CSMD2: variants seen among roughly 807,000 people sequenced by gnomAD.
CSMD2 encodes CUB and Sushi multiple domains 2.
In CSMD2, 130 loss-of-function variants were observed where a neutral mutation model predicts 398.5. The observed-to-expected ratio is 0.33, with a 90% CI of 0.28 to 0.38. CSMD2 has a LOEUF of 0.38. Among genes scored for constraint, CSMD2 ranks in the 10% least tolerant of loss-of-function variants. The probability of loss-of-function intolerance (pLI) is 1.00; values close to 1 mark genes in which losing one functional copy is unlikely to be tolerated. For missense variants in CSMD2, 3,829 were observed against 4,764.9 expected (o/e 0.80, Z 5.78); for synonymous variants, 1,828 against 1,908.5 (o/e 0.96, Z 1.10).
At chr1:33,916,474 A>G (rs1258155797) in intron 5 of CSMD2, among the ~76,000 whole-genome samples, 1 of 152,136 alleles carries the variant, frequency 6.6e-6, no homozygotes, top group Non-Finnish European at 1.5e-5. Flanking sequence ...TTAACCTTCA[A>G]CCCAACTCCT....
chr1:33,913,859 G>A (rs546257422), intron 5 of CSMD2, among the ~76,000 whole-genome samples: 7 of 152,216 alleles, frequency 4.6e-5, no homozygotes, highest in African/African-American at 1.7e-4. Context: ...TGTTGGGTAT[G>A]AGACAGAGGA....
At chr1:33,785,552 G>C (rs77590848) in intron 12 of CSMD2, among the ~76,000 whole-genome samples, 2,512 of 152,316 alleles carry the variant, frequency 0.016, 67 homozygotes, top group African/African-American at 0.058. Context: ...TGTAAGCAAT[G>C]AATGAGATGA....
chr1:33,582,657 G>A (rs1638807967), intron 47 of CSMD2, among the ~76,000 whole-genome samples: 1 of 152,214 alleles, frequency 6.6e-6, no homozygotes, highest in South Asian at 2.1e-4. Context: ...GATACAGGAT[G>A]TTAATTGATG....
intron 67 of CSMD2, among the ~76,000 whole-genome samples, chr1:33,522,697 C>A (rs764851232): frequency 4.8e-4 from 73 of 152,334 alleles, no homozygotes; most frequent in Non-Finnish European, 8.2e-4. Context: ...CTAGCTCCAG[C>A]AATCCAAGAC....
intron 5 of CSMD2, among the ~76,000 whole-genome samples, chr1:33,865,444 G>T (rs150174686): frequency 6.7e-6 from 1 of 150,244 alleles, no homozygotes; most frequent in African/African-American, 2.4e-5. Flanking sequence ...CAGATCAATC[G>T]TTTTTCAGTG....
chr1:33,947,016 G>A (rs967728845), intron 3 of CSMD2, among the ~76,000 whole-genome samples: 2 of 152,136 alleles, frequency 1.3e-5, no homozygotes, highest in African/African-American at 4.8e-5. Flanking sequence ...TTTATGGCCA[G>A]GGCTGCCATG....
intron 13 of CSMD2, among the ~76,000 whole-genome samples, chr1:33,750,461 C>T (rs1170579763): frequency 1.3e-5 from 2 of 152,142 alleles, no homozygotes; most frequent in Non-Finnish European, 2.9e-5. Context: ...CATGGTCATA[C>T]AGTCACTGTA....
chr1:33,876,796 T>C (rs1403601474), intron 5 of CSMD2, among the ~76,000 whole-genome samples: 5 of 152,180 alleles, frequency 3.3e-5, no homozygotes, highest in African/African-American at 4.8e-5. Flanking sequence ...CTGATGGTGA[T>C]TTAATGCCCT....
At chr1:33,677,434 T>C (rs906556673) in intron 25 of CSMD2, among the ~76,000 whole-genome samples, 14 of 152,200 alleles carry the variant, frequency 9.2e-5, no homozygotes, top group African/African-American at 3.4e-4. Context: ...CCAGTTAGAA[T>C]GGCAATCATT....
At chr1:33,818,732 A>G (rs1288010642) in intron 9 of CSMD2, among the ~76,000 whole-genome samples, 1 of 152,218 alleles carries the variant, frequency 6.6e-6, no homozygotes, top group Non-Finnish European at 1.5e-5. Flanking sequence ...TATTTGAAAG[A>G]TGTTATAGTG....
chr1:33,812,121 T>C (rs2031476), intron 9 of CSMD2, among the ~76,000 whole-genome samples: 120,588 of 152,118 alleles, frequency 0.79, 48,824 homozygotes, highest in East Asian at 0.96. Context: ...TTCCTGCGCT[T>C]AGCTCATTCA....
At chr1:34,122,468 G>A (rs1662291862) in intron 1 of CSMD2, among the ~76,000 whole-genome samples, 1 of 152,028 alleles carries the variant, frequency 6.6e-6, no homozygotes, top group Non-Finnish European at 1.5e-5. Flanking sequence ...AAGCAGCAGG[G>A]CCCTCCCTGT....
chr1:33,765,482 T>C (rs1242418601), intron 13 of CSMD2, among the ~76,000 whole-genome samples: 1 of 152,236 alleles, frequency 6.6e-6, no homozygotes, highest in Non-Finnish European at 1.5e-5. Context: ...GGGAAATGAA[T>C]TACTTAATAA....
At chr1:34,084,610 C>A (rs551726124) in intron 2 of CSMD2, among the ~76,000 whole-genome samples, 61 of 152,108 alleles carry the variant, frequency 4.0e-4, no homozygotes, top group African/African-American at 1.4e-3. Flanking sequence ...ATTTATGCAG[C>A]CAAAAGACAC....
chr1:33,909,083 T>A (rs2125258043), intron 5 of CSMD2, among the ~76,000 whole-genome samples: 1 of 152,286 alleles, frequency 6.6e-6, no homozygotes, highest in South Asian at 2.1e-4. Flanking sequence ...TCAGCCAACA[T>A]GGGTTCAGCA....
At chr1:33,816,718 G>A (rs1657502887) in intron 9 of CSMD2, among the ~76,000 whole-genome samples, 1 of 152,066 alleles carries the variant, frequency 6.6e-6, no homozygotes, top group South Asian at 2.1e-4. Flanking sequence ...TCTTCTGATG[G>A]GAGGGAAAGA....
chr1:34,020,563 T>C (rs1344611473), intron 3 of CSMD2, among the ~76,000 whole-genome samples: 1 of 151,728 alleles, frequency 6.6e-6, no homozygotes, highest in Admixed American at 6.6e-5. Context: ...TGCTGTGGGG[T>C]AGGGGTAGGC....
At chr1:33,750,071 AAAC>A (rs1028972056) in intron 13 of CSMD2, among the ~76,000 whole-genome samples, 169 of 152,298 alleles carry the variant, frequency 1.1e-3, no homozygotes, top group African/African-American at 3.7e-3. Context: ...TACACAACAA[AAAC>A]AACAAAACTG....
intron 25 of CSMD2, among the ~76,000 whole-genome samples, chr1:33,689,065 T>G (rs1195314215): frequency 2.2e-3 from 207 of 93,288 alleles, no homozygotes; most frequent in African/African-American, 2.5e-3. Flanking sequence ...AGAGAGGGAG[T>G]GGGAAAGAAG....
Sources: allele counts gnomAD v4.1 joint callset (sites outside exome capture counted in the v4.1 genomes callset), GRCh38; gene constraint gnomAD v4.1.1; transcripts MANE v1.5; gene names NCBI Gene and HGNC (gene_info 2026-07-23, HGNC 2026-07-21).